Variants in ATP6V0D2 observed in about 807,000 individuals in gnomAD.
The protein encoded by ATP6V0D2 is V-type proton ATPase subunit d 2.
In ATP6V0D2, 40 loss-of-function variants were observed where a neutral mutation model predicts 40.0. The observed-to-expected ratio is 1.00, with a 90% CI of 0.78 to 1.30. ATP6V0D2 has a LOEUF of 1.30. ATP6V0D2 is among the 50% of genes most tolerant of loss of function. The pLI is 0.00. For synonymous variants in ATP6V0D2, 179 were observed against 156.3 expected, an observed-to-expected ratio of 1.15 and a Z score of -1.08; for missense variants, 470 against 423.1, an observed-to-expected ratio of 1.11 and a Z score of -0.97.
intron 2 of ATP6V0D2, among the ~76,000 whole-genome samples, chr8:86,135,662 A>G (rs529890079): frequency 2.9e-4 from 44 of 152,342 alleles, no homozygotes; most frequent in African/African-American, 1.0e-3. Context: ...AATTTTTGAA[A>G]TTGAGTAATT....
rs1586101340 is a variant in ATP6V0D2, at chr8:86,141,339, T to G, written c.482-111T>G. The G allele has an allele frequency of 2.2e-5, 15 of 679,540 alleles. No homozygotes were observed. In the East Asian group the frequency reaches 3.9e-4, roughly 17 times the overall value. The allele number at this position is 679,540 out of a possible 1,614,324, so 42.1% of individuals were successfully genotyped here. On this transcript the variant is annotated intron_variant, in intron 3 of 7. Coordinates refer to ENST00000285393, the MANE Select transcript of ATP6V0D2 (RefSeq NM_152565.1). ...TAGTGGAGTGTATGGATTGCAACTC[T>G]GCAGTGTTCTTGTCAGGAGTGAGCA...
chr8:86,119,262 A>ACT (rs1284019106), intron 2 of ATP6V0D2, among the ~76,000 whole-genome samples: 1 of 124,744 alleles, frequency 8.0e-6, no homozygotes, highest in Non-Finnish European at 1.6e-5. Flanking sequence ...AGATGGAGTC[A>ACT]CTCTCACCCA....
chr8:86,138,215 T>C (rs1287859511), intron 2 of ATP6V0D2, among the ~76,000 whole-genome samples: 1 of 152,200 alleles, frequency 6.6e-6, no homozygotes, highest in Admixed American at 6.5e-5. Flanking sequence ...TTTTCCCCAG[T>C]TCCCAGCCCC....
chr8:86,116,265 C>T (rs1416398147), intron 2 of ATP6V0D2, among the ~76,000 whole-genome samples: 1 of 152,142 alleles, frequency 6.6e-6, no homozygotes, highest in Non-Finnish European at 1.5e-5. Context: ...GTGTCTATTG[C>T]TACACACTCT....
intron 2 of ATP6V0D2, among the ~76,000 whole-genome samples, chr8:86,125,190 C>T (rs930335086): frequency 3.9e-5 from 6 of 152,112 alleles, no homozygotes; most frequent in Non-Finnish European, 7.4e-5. Context: ...CTTAGGATGC[C>T]ATCGCTACAA....
chr8:86,099,431 G>T (rs1304474898), intron 1 of ATP6V0D2, among the ~76,000 whole-genome samples: 1 of 152,286 alleles, frequency 6.6e-6, no homozygotes, highest in African/African-American at 2.4e-5. Flanking sequence ...AGTTCTTGCA[G>T]ATACCTTGAA....
chr8:86,113,197 G>T (rs919957636), intron 1 of ATP6V0D2, among the ~76,000 whole-genome samples: 1 of 151,698 alleles, frequency 6.6e-6, no homozygotes, highest in Non-Finnish European at 1.5e-5. Context: ...ATTTTGTGAG[G>T]GCCAGGCACA....
At chr8:86,113,221 G>A (rs901569598) in intron 1 of ATP6V0D2, among the ~76,000 whole-genome samples, 32 of 151,912 alleles carry the variant, frequency 2.1e-4, no homozygotes, top group African/African-American at 6.8e-4. Context: ...GCTCCTGCCT[G>A]TAATCCCAGC....
chr8:86,102,858 T>C (rs942520706), intron 1 of ATP6V0D2, among the ~76,000 whole-genome samples: 10 of 152,202 alleles, frequency 6.6e-5, no homozygotes, highest in Non-Finnish European at 1.3e-4. Context: ...GTTGTATCTA[T>C]AAAGAAATTT....
At chr8:86,137,333 T>G (rs1818911513) in intron 2 of ATP6V0D2, among the ~76,000 whole-genome samples, 1 of 151,814 alleles carries the variant, frequency 6.6e-6, no homozygotes, top group African/African-American at 2.4e-5. Flanking sequence ...CTTCCTAAAA[T>G]TCTCTCCCCT....
chr8:86,106,789 T>A (rs1383910209), intron 1 of ATP6V0D2, among the ~76,000 whole-genome samples: 1 of 152,204 alleles, frequency 6.6e-6, no homozygotes, highest in African/African-American at 2.4e-5. Flanking sequence ...GTGGGGCCAC[T>A]GCTACATGGA....
At chr8:86,135,681 A>C (rs1300088177) in intron 2 of ATP6V0D2, among the ~76,000 whole-genome samples, 1 of 152,224 alleles carries the variant, frequency 6.6e-6, no homozygotes, top group Non-Finnish European at 1.5e-5. Flanking sequence ...TTTGCTCATC[A>C]CAGTTTTAGG....
chr8:86,126,152 G>T (rs1818738564), intron 2 of ATP6V0D2, among the ~76,000 whole-genome samples: 1 of 146,930 alleles, frequency 6.8e-6, no homozygotes, highest in Middle Eastern at 3.8e-3. Flanking sequence ...GGCAAGGCTG[G>T]TCTCGAACTC....
At chr8:86,108,273 G>A (rs1818492764) in intron 1 of ATP6V0D2, among the ~76,000 whole-genome samples, 1 of 152,040 alleles carries the variant, frequency 6.6e-6, no homozygotes, top group Admixed American at 6.6e-5. Flanking sequence ...TCCTGAGTAT[G>A]GGGACCACAG....
intron 2 of ATP6V0D2, among the ~76,000 whole-genome samples, chr8:86,129,295 A>T (rs1036868432): frequency 6.6e-6 from 1 of 152,156 alleles, no homozygotes; most frequent in Non-Finnish European, 1.5e-5. Flanking sequence ...CTGCTTTCCT[A>T]TGTGTAATTT....
At chr8:86,120,600 T>C (rs1818656808) in intron 2 of ATP6V0D2, among the ~76,000 whole-genome samples, 1 of 152,086 alleles carries the variant, frequency 6.6e-6, no homozygotes, top group East Asian at 1.9e-4. Context: ...GCTGCATTCT[T>C]CCATTAGCCA....
At chr8:86,146,006 C>T (rs949345721) in intron 5 of ATP6V0D2, among the ~76,000 whole-genome samples, 7 of 152,122 alleles carry the variant, frequency 4.6e-5, no homozygotes, top group African/African-American at 1.7e-4. Flanking sequence ...ATAACTTACC[C>T]GACGTCTCAC....
At chr8:86,149,052 G>A (rs370745437) in intron 5 of ATP6V0D2, among the ~76,000 whole-genome samples, 107 of 69,012 alleles carry the variant, frequency 1.6e-3, no homozygotes, top group Admixed American at 1.7e-3. Context: ...ATCTCCAAAG[G>A]AAGAAAAAAA....
In ATP6V0D2 at chr8:86,152,820, A is replaced by T; in HGVS notation, c.896A>T (p.Gln299Leu). 6.3e-7 allele frequency: 1 copy of T among 1,593,698 alleles called. No individual in the cohort carries two copies. Among genetic ancestry groups the T allele is most frequent in the Non-Finnish European group, 8.5e-7 (1 of 1,174,004 alleles). The change falls in exon 8 of 8, where the codon CAA (glutamine) becomes CTA (leucine). Residue 299 changes from glutamine (Q) to leucine (L), a missense_variant. Physicochemically the swap from Gln to Leu is moderately radical, Grantham distance 113. Transcript: ENST00000285393. ...TTACTTTTTTTCTTTCCTCAGGTAC[A>T]AATGAATGTGCTGGCATTCAACAGA... Reference protein sequence around the residue: ...LEDVFYEREVQMNVLAFNRQF... With the variant: ...LEDVFYEREVLMNVLAFNRQF...
Sources: gnomAD v4.1 joint callset for allele counts (sites outside exome capture counted in the v4.1 genomes callset) on GRCh38, gnomAD v4.1.1 for gene constraint, MANE v1.5 for transcripts, NCBI Gene and HGNC (gene_info 2026-07-23, HGNC 2026-07-21) for gene names.